SLC8A1: variants seen among roughly 807,000 people sequenced by gnomAD.
SLC8A1 encodes the protein solute carrier family 8 member A1.
In SLC8A1, 18 loss-of-function variants were observed where a neutral mutation model predicts 68.3. The observed-to-expected ratio is 0.26, with a 90% CI of 0.18 to 0.39. The LOEUF (loss-of-function observed/expected upper bound fraction) is 0.39. Ranked by LOEUF, SLC8A1 falls within the 10% of genes least tolerant of loss-of-function variation. The pLI is 1.00. For missense variants in SLC8A1, 985 were observed against 1,156.7 expected (o/e 0.85, Z 2.15); for synonymous variants, 475 against 415.5 (o/e 1.14, Z -1.74).
At chr2:40,452,081 G>A (rs946104814), upstream of SLC8A1, 1 of 150,138 alleles carries the variant, frequency 6.7e-6, no homozygotes, top group South Asian at 1.9e-4. Flanking sequence ...GCGCGAGCGG[G>A]AGCCGCGGCA....
At chr2:40,477,497 C>T (rs183036517) in intron 1 of SLC8A1, among the ~76,000 whole-genome samples, 1 of 152,028 alleles carries the variant, frequency 6.6e-6, no homozygotes, top group African/African-American at 2.4e-5. Context: ...GTCTTAGATA[C>T]GAACCCTCAA....
chr2:40,260,954 C>T (rs887159589), intron 2 of SLC8A1, among the ~76,000 whole-genome samples: 10 of 152,050 alleles, frequency 6.6e-5, no homozygotes, highest in African/African-American at 9.7e-5. Context: ...TGGAATTACT[C>T]AATGTAGCCA....
chr2:40,428,570 T>A (rs1269762040), exon 2 of SLC8A1: 1 of 1,613,906 alleles, frequency 6.2e-7, no homozygotes, highest in Non-Finnish European at 8.5e-7. Context: ...TATGGAACGA[T>A]AACATTTCCT....
At chr2:40,150,967 C>T (rs1047839791) in intron 6 of SLC8A1, among the ~76,000 whole-genome samples, 1 of 152,138 alleles carries the variant, frequency 6.6e-6, no homozygotes, top group Admixed American at 6.5e-5. Flanking sequence ...CCTAGAATAT[C>T]TCCCATAAAT....
At chr2:40,170,718 C>G (rs2047324954) in intron 4 of SLC8A1, among the ~76,000 whole-genome samples, 1 of 152,130 alleles carries the variant, frequency 6.6e-6, no homozygotes, top group Admixed American at 6.5e-5. Flanking sequence ...GGTATAGTGG[C>G]AGGTGTCGTG....
intron 2 of SLC8A1, among the ~76,000 whole-genome samples, chr2:40,204,913 G>T (rs1221199648): frequency 6.6e-6 from 1 of 151,864 alleles, no homozygotes; most frequent in East Asian, 1.9e-4. Flanking sequence ...TATGACTAGT[G>T]GCTACCATAT....
chr2:40,266,772 C>G (rs745468468), intron 2 of SLC8A1, among the ~76,000 whole-genome samples: 2 of 152,102 alleles, frequency 1.3e-5, no homozygotes, highest in African/African-American at 4.8e-5. Flanking sequence ...GACTATGGAC[C>G]ACTATTTTCT....
chr2:40,186,576 G>A (rs545745907), intron 2 of SLC8A1, among the ~76,000 whole-genome samples: 31 of 152,080 alleles, frequency 2.0e-4, no homozygotes, highest in Admixed American at 5.2e-4. Flanking sequence ...TTAGATTACT[G>A]GTGAGATATT....
At chr2:40,222,591 A>G (rs116072671) in intron 2 of SLC8A1, among the ~76,000 whole-genome samples, 5,110 of 152,320 alleles carry the variant, frequency 0.034, 119 homozygotes, top group Non-Finnish European at 0.052. Flanking sequence ...CAGGCAACCT[A>G]GAGAATGGGA....
At chr2:40,207,445 T>A (rs140928824) in intron 2 of SLC8A1, among the ~76,000 whole-genome samples, 2 of 152,176 alleles carry the variant, frequency 1.3e-5, no homozygotes, top group African/African-American at 2.4e-5. Flanking sequence ...TATACAAATG[T>A]TGGGTTCTAT....
chr2:40,301,139 A>T (rs74770183), intron 2 of SLC8A1, among the ~76,000 whole-genome samples: 5,134 of 152,264 alleles, frequency 0.034, 311 homozygotes, highest in African/African-American at 0.12. Context: ...CCTGGGATAA[A>T]AACAATGATA....
intron 2 of SLC8A1, among the ~76,000 whole-genome samples, chr2:40,420,120 T>G (rs1432682228): frequency 6.6e-6 from 1 of 152,134 alleles, no homozygotes; most frequent in Non-Finnish European, 1.5e-5. Context: ...AATTGGGCAT[T>G]TAAAAAATAT....
intron 1 of SLC8A1, among the ~76,000 whole-genome samples, chr2:40,480,675 T>G (rs1349778268): frequency 6.6e-6 from 1 of 152,046 alleles, no homozygotes; most frequent in Non-Finnish European, 1.5e-5. Flanking sequence ...CTTGTTGGAG[T>G]GGAAAGGACT....
intron 2 of SLC8A1, among the ~76,000 whole-genome samples, chr2:40,330,883 T>C (rs74492003): frequency 6.6e-6 from 1 of 152,218 alleles, no homozygotes; most frequent in Non-Finnish European, 1.5e-5. Context: ...AACTTGCTTG[T>C]AACTACAGAT....
chr2:40,248,310 C>CCTAA (rs368567054), intron 2 of SLC8A1, among the ~76,000 whole-genome samples: 14 of 152,248 alleles, frequency 9.2e-5, no homozygotes, highest in African/African-American at 3.1e-4. Context: ...AGGTTGAAAT[C>CCTAA]CTAACTCCCA....
chr2:40,139,270 A>G (rs967087411), intron 7 of SLC8A1, 131 bp downstream of exon 10: 4 of 1,003,230 alleles, frequency 4.0e-6, no homozygotes, highest in Middle Eastern at 2.1e-4. Context: ...ACATTTATTT[A>G]TACCTCAGGG....
At chr2:40,491,877 C>T (rs1705339544) in intron 1 of SLC8A1, among the ~76,000 whole-genome samples, 1 of 152,122 alleles carries the variant, frequency 6.6e-6, no homozygotes, top group Non-Finnish European at 1.5e-5. Context: ...ATTCCATGCT[C>T]ATGGGTAGGA....
intron 6 of SLC8A1, among the ~76,000 whole-genome samples, chr2:40,145,056 A>G (rs2042199116): frequency 6.6e-6 from 1 of 152,054 alleles, no homozygotes; most frequent in Non-Finnish European, 1.5e-5. Flanking sequence ...CCTTTGACCT[A>G]TGTCTCTCAT....
intron 2 of SLC8A1, among the ~76,000 whole-genome samples, chr2:40,367,596 G>A (rs1037416792): frequency 6.6e-6 from 1 of 151,720 alleles, no homozygotes; most frequent in African/African-American, 2.4e-5. Flanking sequence ...TGAGACAAAC[G>A]TACATGTGTC....
Sources: allele counts gnomAD v4.1 joint callset (sites outside exome capture counted in the v4.1 genomes callset), GRCh38; gene constraint gnomAD v4.1.1; transcripts MANE v1.5; gene names NCBI Gene and HGNC (gene_info 2026-07-23, HGNC 2026-07-21).